The following WSCD2 variants were observed in gnomAD, a reference collection of about 807,000 sequenced individuals.
WSCD2 encodes the protein sialate:O-sulfotransferase 2.
Under a neutral mutation model 55.7 loss-of-function variants are expected in WSCD2, and 28 were observed. That is an observed-to-expected ratio of 0.50 (90% CI 0.37 to 0.69). The LOEUF is 0.69. WSCD2 is among the 30% of genes least tolerant of loss of function. WSCD2 has a pLI of 0.00. For synonymous variants in WSCD2, 301 were observed against 301.9 expected (o/e 1.00, Z 0.03); for missense variants, 616 against 762.1 (o/e 0.81, Z 2.26).
At chr12:108,206,713 T>C (rs975009797) in intron 3 of WSCD2, among the ~76,000 whole-genome samples, 2 of 152,230 alleles carry the variant, frequency 1.3e-5, no homozygotes, top group Admixed American at 6.5e-5. Flanking sequence ...AATGCCAATA[T>C]GCAATGATCT....
chr12:108,232,823 C>T lies in WSCD2; in HGVS notation c.1072C>T (p.Arg358Cys), dbSNP rs1361470794. The change falls in exon 7 of 9, where the codon CGC (arginine) becomes TGC (cysteine). Residue 358 changes from arginine to cysteine, a missense_variant. Coordinates refer to ENST00000547525, the MANE Select transcript of WSCD2 (RefSeq NM_014653.4). Reference protein sequence around the residue: ...SFPGAGNTWARHLIELATGFY... With the variant: ...SFPGAGNTWACHLIELATGFY... ...CCCAGGTGCTGGCAACACGTGGGCT[C>T]GCCACCTCATTGAATTGGCCACAGG... is the stretch of plus-strand genomic sequence containing the variant. The T allele has an allele frequency of 1.2e-6, 2 of 1,614,070 alleles. No homozygotes were observed. The highest frequency in any genetic ancestry group is 1.7e-5 in the Admixed American group (1 of 60,024).
At chr12:108,196,442 T>C (rs1883937421) in intron 2 of WSCD2, 1 of 612,382 alleles carries the variant, frequency 1.6e-6, no homozygotes, top group East Asian at 3.1e-5. Context: ...AGAGGCAAGT[T>C]TGGATTTGAA....
chr12:108,201,788 A>G (rs1284483149), intron 2 of WSCD2, among the ~76,000 whole-genome samples: 1 of 152,182 alleles, frequency 6.6e-6, no homozygotes, highest in East Asian at 1.9e-4. Flanking sequence ...AATCACCTTC[A>G]TTGAAGAGAG....
chr12:108,199,174 C>T (rs905385406), intron 2 of WSCD2, among the ~76,000 whole-genome samples: 10 of 152,126 alleles, frequency 6.6e-5, no homozygotes, highest in Non-Finnish European at 1.5e-4. Context: ...CAGAGTTTAG[C>T]GAGGAAAGAC....
chr12:108,243,898 C>T (rs1384626405), intron 8 of WSCD2, among the ~76,000 whole-genome samples: 1 of 152,178 alleles, frequency 6.6e-6, no homozygotes, highest in East Asian at 1.9e-4. Flanking sequence ...AGTCCAGACT[C>T]CTAGAACCAC....
intron 1 of WSCD2, among the ~76,000 whole-genome samples, chr12:108,177,257 A>T (rs892991285): frequency 8.5e-5 from 13 of 152,134 alleles, no homozygotes; most frequent in East Asian, 1.9e-4. Flanking sequence ...GATATATTTT[A>T]AAAATACTAA....
chr12:108,196,347 C>A, intron 2 of WSCD2, 133 bp downstream of exon 2: 1 of 1,313,726 alleles, frequency 7.6e-7, no homozygotes, highest in Non-Finnish European at 1.0e-6. Context: ...TAAATAGTGC[C>A]TGCCATTATC....
intron 7 of WSCD2, among the ~76,000 whole-genome samples, chr12:108,238,068 A>G (rs1210786359): frequency 1.3e-5 from 2 of 152,222 alleles, no homozygotes; most frequent in African/African-American, 4.8e-5. Flanking sequence ...CCCTTTGTCC[A>G]TGTCATGCAG....
At chr12:108,130,658 A>G (rs1875409858) in intron 1 of WSCD2, among the ~76,000 whole-genome samples, 1 of 152,170 alleles carries the variant, frequency 6.6e-6, no homozygotes, top group Non-Finnish European at 1.5e-5. Context: ...GGTGGAGGTC[A>G]CTTCCTAATT....
intron 1 of WSCD2, among the ~76,000 whole-genome samples, chr12:108,168,427 T>A (rs1228377620): frequency 6.6e-6 from 1 of 152,206 alleles, no homozygotes; most frequent in Non-Finnish European, 1.5e-5. Context: ...AGGTCACCCC[T>A]ACACATCTCT....
chr12:108,164,036 G>T (rs1350081418), intron 1 of WSCD2, among the ~76,000 whole-genome samples: 1 of 151,322 alleles, frequency 6.6e-6, no homozygotes, highest in Non-Finnish European at 1.5e-5. Flanking sequence ...CATCCCAGTG[G>T]GTCACTGTCT....
chr12:108,132,362 A>G (rs895466788), intron 1 of WSCD2, among the ~76,000 whole-genome samples: 6 of 152,230 alleles, frequency 3.9e-5, no homozygotes, highest in African/African-American at 1.4e-4. Flanking sequence ...GAATGTGTGC[A>G]TATGTGTGCA....
At chr12:108,192,843 C>T (rs1486685601) in intron 1 of WSCD2, among the ~76,000 whole-genome samples, 1 of 152,174 alleles carries the variant, frequency 6.6e-6, no homozygotes, top group Non-Finnish European at 1.5e-5. Context: ...CCTCACTTCC[C>T]TGGGCTCCCA....
At chr12:108,214,479 C>T (rs1886602050) in intron 4 of WSCD2, among the ~76,000 whole-genome samples, 1 of 152,220 alleles carries the variant, frequency 6.6e-6, no homozygotes, top group Admixed American at 6.5e-5. Flanking sequence ...GGACTTCTTT[C>T]TTGGTCAGAT....
Position 108,130,474 on chromosome 12 carries a change from G to GT in WSCD2, c.-552+548_-552+549insT, listed in dbSNP as rs1875374158. Among the ~76,000 whole-genome samples the GT allele has an allele frequency of 5.0e-5, 6 of 118,998 alleles. No homozygotes were observed. In the South Asian group the frequency reaches 1.7e-3, roughly 33 times the overall value. The allele number at this position is 118,998 out of a possible 152,430, so 78.1% of individuals were successfully genotyped here. On this transcript the variant is annotated intron_variant, in intron 1 of 8. Coordinates refer to ENST00000547525, the MANE Select transcript of WSCD2 (RefSeq NM_014653.4). Reference sequence around the variant, plus strand: ...TGCAGATTTGCTTATGTCCATTCTGGGGTGTGTGTGTGTGTGTGTGTGTGT... The same window carrying GT: ...TGCAGATTTGCTTATGTCCATTCTGGTGGTGTGTGTGTGTGTGTGTGTGTGT...
At chr12:108,164,889 G>A (rs542522036) in intron 1 of WSCD2, among the ~76,000 whole-genome samples, 8 of 152,208 alleles carry the variant, frequency 5.3e-5, no homozygotes, top group Non-Finnish European at 1.0e-4. Context: ...TGATGTAGGA[G>A]AAGGTGGGGA....
chr12:108,139,054 ATGAG>A (rs1423848144), intron 1 of WSCD2, among the ~76,000 whole-genome samples: 1 of 152,182 alleles, frequency 6.6e-6, no homozygotes, highest in Admixed American at 6.5e-5. Flanking sequence ...GAATGAATGA[ATGAG>A]TGTTCTGTGC....
chr12:108,222,588 C>G (rs1245156084), intron 4 of WSCD2, among the ~76,000 whole-genome samples: 1 of 152,184 alleles, frequency 6.6e-6, no homozygotes, highest in African/African-American at 2.4e-5. Context: ...GTATATACAA[C>G]TCAGAATTTG....
At chr12:108,180,059 A>C (rs1007869899) in intron 1 of WSCD2, among the ~76,000 whole-genome samples, 34 of 151,514 alleles carry the variant, frequency 2.2e-4, no homozygotes, top group Non-Finnish European at 3.5e-4. Context: ...ACAAAAAAAA[A>C]AAAAAAAAGA....
Sources: allele counts gnomAD v4.1 joint callset (sites outside exome capture counted in the v4.1 genomes callset), GRCh38; gene constraint gnomAD v4.1.1; transcripts MANE v1.5; gene names NCBI Gene and HGNC (gene_info 2026-07-23, HGNC 2026-07-21).